Variants in HRH2 observed in about 807,000 individuals in gnomAD.
HRH2 encodes histamine receptor H2.
HRH2 carries 4 observed loss-of-function variants against 20.1 expected under a neutral mutation model. The observed-to-expected ratio is 0.20, with a 90% CI of 0.10 to 0.45. The LOEUF (loss-of-function observed/expected upper bound fraction) is 0.45, where lower values mean the gene tolerates loss of function less well. HRH2 is among the 20% of genes least tolerant of loss of function. HRH2 has a pLI of 0.99. For synonymous variants in HRH2, 197 were observed against 200.7 expected, an observed-to-expected ratio of 0.98 and a Z score of 0.16; for missense variants, 250 against 461.6, an observed-to-expected ratio of 0.54 and a Z score of 4.20.
Position 175,687,872 on chromosome 5 carries a change from A to G in HRH2, c.1076+3563A>G, listed in dbSNP as rs909470331. 7.2e-5 allele frequency among the ~76,000 whole-genome samples: 11 copies of G among 152,180 alleles called. No homozygotes were observed. Among genetic ancestry groups the G allele is most frequent in the Non-Finnish European group, 1.5e-4 (10 of 68,026 alleles). On this transcript the variant is annotated intron_variant, in intron 2 of 2. Coordinates refer to ENST00000636584, the MANE Select transcript of HRH2 (RefSeq NM_001367711.1). The surrounding 1 kb of genome is among the most constrained non-coding windows in gnomAD (Gnocchi z 5.2). The stretch of plus-strand genomic sequence containing the variant: ...CCTGTGTCCATTTCCTGTGGCTGCC[A>G]TAACACATCCCCACCAGCCTAGTGG...
At chr5:175,688,541 A>G (rs768689557) in intron 2 of HRH2, among the ~76,000 whole-genome samples, 184 of 152,374 alleles carry the variant, frequency 1.2e-3, no homozygotes, top group Non-Finnish European at 1.0e-3. Context: ...ACTCTACAGC[A>G]GGCGTTGTCA....
chr5:175,705,725 C>T (rs1756926317), intron 2 of HRH2, among the ~76,000 whole-genome samples: 1 of 151,768 alleles, frequency 6.6e-6, no homozygotes, highest in African/African-American at 2.4e-5. Context: ...TGCAGTGGCA[C>T]AATCTCAGCT....
chr5:175,692,594 CTTTA>C (rs1216144389), intron 2 of HRH2, among the ~76,000 whole-genome samples: 13 of 152,178 alleles, frequency 8.5e-5, no homozygotes, highest in Admixed American at 1.3e-4. Context: ...AAGTGGCAGC[CTTTA>C]TTTATTTTTT....
chr5:175,674,387 C>T (rs1280202691), intron 1 of HRH2, among the ~76,000 whole-genome samples: 1 of 152,178 alleles, frequency 6.6e-6, no homozygotes, highest in Admixed American at 6.5e-5. Flanking sequence ...GTGCCCGGCA[C>T]GTGGTAGGTG....
At chr5:175,673,789 C>T (rs1376898364) in intron 1 of HRH2, among the ~76,000 whole-genome samples, 5 of 151,622 alleles carry the variant, frequency 3.3e-5, no homozygotes, top group African/African-American at 9.7e-5. Context: ...ATGCAACCTC[C>T]GCCCCCCTGG....
intron 1 of HRH2, among the ~76,000 whole-genome samples, chr5:175,680,219 G>A (rs543076419): frequency 2.6e-5 from 4 of 152,324 alleles, no homozygotes; most frequent in Admixed American, 6.5e-5. Context: ...GCATTGCCAC[G>A]GGCTGGGCTC....
At chr5:175,662,618 T>C (rs1475339314) in intron 1 of HRH2, among the ~76,000 whole-genome samples, 1 of 152,078 alleles carries the variant, frequency 6.6e-6, no homozygotes. Flanking sequence ...CCCCCACCCC[T>C]CAAGCAACAA....
In HRH2 at chr5:175,689,873, C is replaced by T. The variant is rs138111976; in HGVS notation, c.1076+5564C>T. Among the ~76,000 whole-genome samples, 14 of 152,352 alleles carry T rather than the reference C, an allele frequency of 9.2e-5. No individual in the cohort carries two copies. In the East Asian group the frequency reaches 1.5e-3, roughly 17 times the overall value. ...CTGGACTGCATCCACAGCATCACCA[C>T]GGCGTGTCCTGGTTTGGCCAGAAGT... On this transcript the variant is annotated intron_variant, in intron 2 of 2. Transcript: ENST00000636584.
intron 2 of HRH2, among the ~76,000 whole-genome samples, chr5:175,705,806 G>A (rs1390026852): frequency 6.6e-6 from 1 of 152,070 alleles, no homozygotes; most frequent in Non-Finnish European, 1.5e-5. Flanking sequence ...GGGACTATAG[G>A]TGCATGCCAC....
chr5:175,670,035 A>G (rs978144974), intron 1 of HRH2, among the ~76,000 whole-genome samples: 4 of 152,196 alleles, frequency 2.6e-5, no homozygotes, highest in African/African-American at 9.6e-5. Context: ...TTCTGAGGCC[A>G]GGCAGGGGGC....
At chr5:175,690,415 C>T (rs576361288) in intron 2 of HRH2, among the ~76,000 whole-genome samples, 3 of 152,184 alleles carry the variant, frequency 2.0e-5, no homozygotes, top group Admixed American at 6.5e-5. Flanking sequence ...CAGGCTTCCA[C>T]GGAAAATCAG....
intron 1 of HRH2, among the ~76,000 whole-genome samples, chr5:175,667,009 A>G (rs929120590): frequency 6.7e-6 from 1 of 149,236 alleles, no homozygotes; most frequent in Non-Finnish European, 1.5e-5. Flanking sequence ...TCTTTTTGCA[A>G]ATAAAGGCAT....
At chr5:175,676,983 C>CCTTTT (rs1264336872) in intron 1 of HRH2, among the ~76,000 whole-genome samples, 1 of 151,928 alleles carries the variant, frequency 6.6e-6, no homozygotes, top group African/African-American at 2.4e-5. Flanking sequence ...TTTCTTTTTT[C>CCTTTT]CTTTTCTTTT....
chr5:175,661,406 A>G (rs1049478550), intron 1 of HRH2, among the ~76,000 whole-genome samples: 2 of 152,222 alleles, frequency 1.3e-5, no homozygotes, highest in African/African-American at 4.8e-5. Context: ...TATCAATAAT[A>G]TCTGTTGTTT....
intron 2 of HRH2, among the ~76,000 whole-genome samples, chr5:175,697,356 G>A (rs897338023): frequency 1.5e-4 from 22 of 151,520 alleles, no homozygotes; most frequent in Admixed American, 9.9e-4. Flanking sequence ...CCAGCTACTC[G>A]GGAGGCTGAG....
chr5:175,684,152 C>G lies in HRH2; in HGVS notation c.919C>G (p.Leu307Val), dbSNP rs376034816. Residue 307 changes from leucine to valine, a missense_variant, in exon 2 of 3, where the codon CTG becomes GTG. Around this residue, in one of 5 missense-constraint regions of HRH2, gnomAD observed 55 missense variants for 66.9 expected, o/e 0.82. Coordinates refer to ENST00000636584, the MANE Select transcript of HRH2 (RefSeq NM_001367711.1). ...TGYQQLFCCR[L>V]ANRNSHKTSL... ...GTACCAACAGCTCTTCTGCTGCAGGCTGGCCAACCGCAACTCCCACAAAAC... is the reference window on the plus strand; with the variant it reads ...GTACCAACAGCTCTTCTGCTGCAGGGTGGCCAACCGCAACTCCCACAAAAC... 6 of 1,614,178 alleles carry G rather than the reference C, an allele frequency of 3.7e-6. No homozygotes were observed. The highest frequency in any genetic ancestry group is 3.4e-6 in the Non-Finnish European group (4 of 1,180,026).
At chr5:175,667,235 G>A (rs917802384) in intron 1 of HRH2, among the ~76,000 whole-genome samples, 1 of 152,112 alleles carries the variant, frequency 6.6e-6, no homozygotes, top group Non-Finnish European at 1.5e-5. Flanking sequence ...CCTGAGGTCA[G>A]GAGTTCGCGA....
At chr5:175,706,401 T>A (rs575935010) in intron 2 of HRH2, among the ~76,000 whole-genome samples, 56 of 152,376 alleles carry the variant, frequency 3.7e-4, no homozygotes, top group African/African-American at 1.3e-3. Context: ...ATGGTCTGAA[T>A]TTGTTACTAT....
At chr5:175,695,860 C>T (rs1331862432) in intron 2 of HRH2, among the ~76,000 whole-genome samples, 3 of 152,220 alleles carry the variant, frequency 2.0e-5, no homozygotes, top group Admixed American at 2.0e-4. Context: ...CTGAGAGGTG[C>T]CCAGGTCCAA....
Sources: allele counts gnomAD v4.1 joint callset (sites outside exome capture counted in the v4.1 genomes callset), GRCh38; gene constraint gnomAD v4.1.1; regional missense constraint gnomAD v4.1.1; non-coding constraint Gnocchi (gnomAD v3.1); transcripts MANE v1.5; gene names NCBI Gene and HGNC (gene_info 2026-07-23, HGNC 2026-07-21).